Variants in DAB2IP observed in about 807,000 individuals in gnomAD.
DAB2IP encodes the protein DAB2 interacting protein, also known as disabled homolog 2-interacting protein.
Under a neutral mutation model 107.2 loss-of-function variants are expected in DAB2IP, and 28 were observed. The observed-to-expected ratio is 0.26, with a 90% CI of 0.19 to 0.36. The LOEUF is 0.36. Among genes scored for constraint, DAB2IP ranks in the 10% least tolerant of loss-of-function variants. DAB2IP has a pLI of 1.00. For missense variants in DAB2IP, 1,400 were observed against 1,644.7 expected (o/e 0.85, Z 2.57); for synonymous variants, 755 against 706.4 (o/e 1.07, Z -1.09).
chr9:121,570,142 T>TA (rs1368267712), intron 1 of DAB2IP, among the ~76,000 whole-genome samples: 1 of 145,360 alleles, frequency 6.9e-6, no homozygotes, highest in Non-Finnish European at 1.5e-5. Context: ...GATGGGGTCT[T>TA]ACTCTGTCAT....
rs192296389 is a variant in DAB2IP, at chr9:121,635,064, G to A, written c.41-43614G>A. 5.4e-4 allele frequency among the ~76,000 whole-genome samples: 83 copies of A among 152,314 alleles called. No homozygotes were observed. Among genetic ancestry groups the A allele is most frequent in the Middle Eastern group, 3.4e-3 (1 of 294 alleles). ...TGTGTATGTGTGTGTGCATGTGCGT[G>A]TATGTCTATGTGCGAAGGGGAAGCT... On this transcript the variant is annotated intron_variant, in intron 1 of 16. Coordinates refer to the DAB2IP transcript ENST00000259371. This position sits in a 1 kb window ranked among gnomAD's most constrained non-coding sequence, Gnocchi z 4.3.
At chr9:121,695,248 C>A (rs992859263) in intron 2 of DAB2IP, among the ~76,000 whole-genome samples, 1 of 152,204 alleles carries the variant, frequency 6.6e-6, no homozygotes, top group Non-Finnish European at 1.5e-5. Flanking sequence ...CCCTGCCGGG[C>A]GGCCCACAGC....
chr9:121,690,843 C>T (rs540733019), intron 2 of DAB2IP, among the ~76,000 whole-genome samples: 1 of 152,276 alleles, frequency 6.6e-6, no homozygotes, highest in East Asian at 1.9e-4. Context: ...TGGTGTATAA[C>T]TTGGAGGCTG....
intron 13 of DAB2IP, among the ~76,000 whole-genome samples, chr9:121,775,170 G>A (rs748660652): frequency 2.6e-5 from 4 of 152,156 alleles, no homozygotes; most frequent in Non-Finnish European, 4.4e-5. Flanking sequence ...AGGAACCAGC[G>A]CAGGCCCCAG....
At chr9:121,679,788 G>T (rs1204796228) in intron 2 of DAB2IP, among the ~76,000 whole-genome samples, 1 of 152,072 alleles carries the variant, frequency 6.6e-6, no homozygotes, top group East Asian at 1.9e-4. Context: ...GTTGGGAGGG[G>T]GTCCCACGGG....
At chr9:121,605,078 G>A (rs776413826) in intron 1 of DAB2IP, among the ~76,000 whole-genome samples, 14 of 152,194 alleles carry the variant, frequency 9.2e-5, no homozygotes, top group Non-Finnish European at 2.1e-4. Flanking sequence ...GGAGTGCAGT[G>A]GCGCGATCTT....
intron 1 of DAB2IP, among the ~76,000 whole-genome samples, chr9:121,658,267 T>C (rs1024591318): frequency 4.6e-5 from 7 of 152,204 alleles, no homozygotes; most frequent in African/African-American, 1.7e-4. Flanking sequence ...CGGGGCCACT[T>C]GGTTAAATGT....
chr9:121,582,944 G>A (rs1053020654), intron 1 of DAB2IP, among the ~76,000 whole-genome samples: 2 of 152,258 alleles, frequency 1.3e-5, no homozygotes, highest in Admixed American at 6.5e-5. Flanking sequence ...CTGCCCTGCG[G>A]GCAGCCCTCA....
chr9:121,750,588 CCTCTGAGCTTTCGAGATTTGGAGGGT>C lies in DAB2IP; in HGVS notation c.363-6424_363-6399del, dbSNP rs1833046139. 5.3e-5 allele frequency among the ~76,000 whole-genome samples: 8 copies of C among 152,300 alleles called. 1 individual carries two copies. In the South Asian group the frequency reaches 1.7e-3, roughly 32 times the overall value. ...CCTTTGGGGCCACACAGGGCAGCTC[CCTCTGAGCTTTCGAGATTTGGAGGGT>C]GACCCTGAGCCCCTTATTTTCCGAC... On this transcript the variant is annotated intron_variant, in intron 3 of 15. Coordinates refer to ENST00000408936, the Ensembl canonical transcript of DAB2IP.
At chr9:121,744,251 C>T (rs1468734992) in intron 3 of DAB2IP, among the ~76,000 whole-genome samples, 1 of 152,278 alleles carries the variant, frequency 6.6e-6, no homozygotes, top group African/African-American at 2.4e-5. Flanking sequence ...TCCATGGGGC[C>T]CAGGCCCACT....
intron 3 of DAB2IP, among the ~76,000 whole-genome samples, chr9:121,729,440 C>A (rs558793541): frequency 1.3e-5 from 2 of 152,288 alleles, no homozygotes; most frequent in African/African-American, 4.8e-5. Flanking sequence ...ATGACAAAAC[C>A]AGCCCCAGCA....
chr9:121,627,887 C>A (rs1392059391), intron 1 of DAB2IP, among the ~76,000 whole-genome samples: 1 of 152,222 alleles, frequency 6.6e-6, no homozygotes, highest in Non-Finnish European at 1.5e-5. Flanking sequence ...TTCCACCTCA[C>A]TGTTTCTATC....
At position 121,644,885 on chromosome 9, in the gene DAB2IP, C is replaced by T. The variant is rs74564173; in HGVS notation, c.41-33793C>T. ...CTTCCTAGGAGCTGACTACAGGGCC[C>T]GTTCAGCTGTCCTCCTCTGTGGTCT... On this transcript the variant is annotated intron_variant, in intron 1 of 16. Transcript: ENST00000259371. Among the ~76,000 whole-genome samples the T allele has an allele frequency of 7.0e-3, 1,059 of 152,334 alleles. 11 individuals carry two copies. Among genetic ancestry groups the T allele is most frequent in the Non-Finnish European group, 0.011 (765 of 68,012 alleles).
At chr9:121,682,939 A>G (rs1027866040) in intron 2 of DAB2IP, among the ~76,000 whole-genome samples, 1 of 151,992 alleles carries the variant, frequency 6.6e-6, no homozygotes, top group African/African-American at 2.4e-5. Flanking sequence ...CCTGCAAGTT[A>G]TAGGGGGCCC....
intron 1 of DAB2IP, among the ~76,000 whole-genome samples, chr9:121,642,741 G>A (rs1040309823): frequency 6.6e-6 from 1 of 152,116 alleles, no homozygotes; most frequent in African/African-American, 2.4e-5. Flanking sequence ...GACTCACAAG[G>A]TTCCTGTCCT....
intron 1 of DAB2IP, among the ~76,000 whole-genome samples, chr9:121,585,613 T>G (rs1200773070): frequency 1.1e-4 from 16 of 152,064 alleles, no homozygotes; most frequent in Admixed American, 1.0e-3. Context: ...TCCCAGCACT[T>G]TGGGAGGCCA....
At position 121,699,476 on chromosome 9, in the gene DAB2IP, GC is replaced by G; in HGVS notation, c.362+21del. 7.7e-7 allele frequency: 1 copy of G among 1,300,500 alleles called. No homozygotes were observed. The highest frequency in any genetic ancestry group is 9.8e-7 in the Non-Finnish European group (1 of 1,018,766). 80.6% of individuals were successfully genotyped at this position (1,300,500 alleles called of 1,614,324 possible). A position where few individuals can be genotyped will look rare whatever the true frequency, so the allele number is the denominator to read the frequency against. On this transcript the variant is annotated intron_variant, in intron 3 of 15. Coordinates refer to ENST00000408936, the Ensembl canonical transcript of DAB2IP. The surrounding 1 kb of genome is among the most constrained non-coding windows in gnomAD (Gnocchi z 6.2). ...AATGAGAGGTGAGCCCGCCGCCGCCGCCCGGTCCCCCGCGCCGCCGCCCCGG... is the reference window on the plus strand; with the variant it reads ...AATGAGAGGTGAGCCCGCCGCCGCCGCCGGTCCCCCGCGCCGCCGCCCCGG...
At chr9:121,703,441 G>A (rs982124826) in intron 3 of DAB2IP, among the ~76,000 whole-genome samples, 1 of 152,090 alleles carries the variant, frequency 6.6e-6, no homozygotes, top group Non-Finnish European at 1.5e-5. Flanking sequence ...AGATGATAGT[G>A]CAGTTTAGAC....
intron 8 of DAB2IP, 63 bp downstream of exon 8, chr9:121,763,942 G>A: frequency 6.3e-7 from 1 of 1,588,548 alleles, no homozygotes; most frequent in Non-Finnish European, 8.6e-7. Flanking sequence ...TCAGTGTCTG[G>A]CACCCGCAGT....
Sources: allele counts gnomAD v4.1 joint callset (sites outside exome capture counted in the v4.1 genomes callset), GRCh38; gene constraint gnomAD v4.1.1; non-coding constraint Gnocchi (gnomAD v3.1); transcripts MANE v1.5; gene names NCBI Gene and HGNC (gene_info 2026-07-23, HGNC 2026-07-21).